The following SMAP2 variants were observed in gnomAD, a reference collection of about 807,000 sequenced individuals.
SMAP2 encodes the protein small ArfGAP2, also known as stromal membrane-associated protein 2.
SMAP2 carries 25 observed loss-of-function variants against 56.4 expected under a neutral mutation model. That is an observed-to-expected ratio of 0.44 (90% CI 0.32 to 0.62). The LOEUF (loss-of-function observed/expected upper bound fraction) is 0.62, where lower values mean the gene tolerates loss of function less well. Ranked by LOEUF, SMAP2 falls within the 20% of genes least tolerant of loss-of-function variation. The pLI is 0.04. For missense variants in SMAP2, 388 were observed against 545.6 expected (o/e 0.71, Z 2.88); for synonymous variants, 157 against 181.7 (o/e 0.86, Z 1.09).
intron 9 of SMAP2, among the ~76,000 whole-genome samples, chr1:40,418,363 A>G (rs1645010059): frequency 6.6e-6 from 1 of 152,210 alleles, no homozygotes; most frequent in African/African-American, 2.4e-5. Flanking sequence ...TATAGAAAGT[A>G]GTAAAAAGAA....
rs57984975 is a variant in SMAP2 at position 40,386,853 on chromosome 1, C to CTTTT, written c.103+12645_103+12648dup. 2.4e-5 allele frequency among the ~76,000 whole-genome samples: 3 copies of CTTTT among 127,360 alleles called. No homozygotes were observed. Among genetic ancestry groups the CTTTT allele is most frequent in the South Asian group, 2.5e-4 (1 of 4,036 alleles). The allele number at this position is 127,360 out of a possible 152,430, so 83.6% of individuals were successfully genotyped here. On this transcript the variant is annotated intron_variant, in intron 1 of 9. Transcript: ENST00000372718. The surrounding 1 kb of genome is among the most constrained non-coding windows in gnomAD (Gnocchi z 4.1). ...GATGCTGAAGGTATTTTTCATAATT[C>CTTTT]TTTTTTTTTTTTTTTTTTGGAGACA...
Position 40,416,319 on chromosome 1 carries a change from G to A in SMAP2, c.825G>A (p.Gln275=). The change falls in exon 8 of 10, where the codon CAG becomes CAA. Residue 275 remains glutamine (Q), a synonymous_variant. Coordinates refer to ENST00000372718, the MANE Select transcript of SMAP2 (RefSeq NM_022733.3). Reference sequence around the variant, plus strand: ...CCATTCTTTCACTGTATGGATCCCAGACGCCTCAAATGCCTACTCAAGGTA... The same window carrying A: ...CCATTCTTTCACTGTATGGATCCCAAACGCCTCAAATGCCTACTCAAGGTA... ...KDSILSLYGS[Q]TPQMPTQAMF... is the part of the protein sequence containing the mutation. 1.2e-6 allele frequency: 2 copies of A among 1,613,984 alleles called. No homozygotes were observed. The highest frequency in any genetic ancestry group is 1.7e-6 in the Non-Finnish European group (2 of 1,179,950).
chr1:40,418,693 A>G (rs767468600), intron 9 of SMAP2, among the ~76,000 whole-genome samples: 1 of 152,168 alleles, frequency 6.6e-6, no homozygotes, highest in Non-Finnish European at 1.5e-5. Flanking sequence ...AACAAAAAAT[A>G]CCCAGGTTGA....
intron 1 of SMAP2, among the ~76,000 whole-genome samples, chr1:40,353,319 A>G (rs773313216): frequency 6.6e-6 from 1 of 152,234 alleles, no homozygotes; most frequent in Non-Finnish European, 1.5e-5. Context: ...GGTGATTTAC[A>G]TGAGCAGCAG....
chr1:40,380,688 C>T (rs1204690439), intron 1 of SMAP2, among the ~76,000 whole-genome samples: 1 of 152,014 alleles, frequency 6.6e-6, no homozygotes, highest in Non-Finnish European at 1.5e-5. Context: ...TGCCACCACA[C>T]CTGGCTAATA....
intron 1 of SMAP2, among the ~76,000 whole-genome samples, chr1:40,388,474 G>A (rs1309704541): frequency 2.0e-5 from 3 of 152,120 alleles, no homozygotes; most frequent in African/African-American, 7.2e-5. Context: ...TCTGTATCTA[G>A]CTACTCTGGT....
chr1:40,360,800 A>G (rs1308079559), intron 1 of SMAP2, among the ~76,000 whole-genome samples: 1 of 152,234 alleles, frequency 6.6e-6, no homozygotes, highest in African/African-American at 2.4e-5. Context: ...GGGAGCATTT[A>G]GATCAATCCT....
chr1:40,386,853 CTTTTTTTT>C lies in SMAP2; in HGVS notation c.103+12641_103+12648del, dbSNP rs57984975. ...GATGCTGAAGGTATTTTTCATAATTCTTTTTTTTTTTTTTTTTTGGAGACAAGGTCTCT... is the reference window on the plus strand; with the variant it reads ...GATGCTGAAGGTATTTTTCATAATTCTTTTTTTTTTGGAGACAAGGTCTCT... On this transcript the variant is annotated intron_variant, in intron 1 of 9. Coordinates refer to ENST00000372718, the MANE Select transcript of SMAP2 (RefSeq NM_022733.3). This position sits in a 1 kb window ranked among gnomAD's most constrained non-coding sequence, Gnocchi z 4.1. 2.8e-4 allele frequency among the ~76,000 whole-genome samples: 36 copies of C among 127,364 alleles called. No homozygotes were observed. Among genetic ancestry groups the C allele is most frequent in the African/African-American group, 8.6e-4 (29 of 33,698 alleles). 83.6% of individuals were successfully genotyped at this position (127,364 alleles called of 152,430 possible). A position where few individuals can be genotyped will look rare whatever the true frequency, so the allele number is the denominator to read the frequency against.
chr1:40,353,261 G>A (rs1195882076), intron 1 of SMAP2, among the ~76,000 whole-genome samples: 2 of 152,206 alleles, frequency 1.3e-5, no homozygotes, highest in Admixed American at 1.3e-4. Flanking sequence ...TCCTTCATTG[G>A]AAGATGATGC....
At chr1:40,403,550 G>T in intron 1 of SMAP2, 1 of 448,628 alleles carries the variant, frequency 2.2e-6, no homozygotes, top group Non-Finnish European at 2.9e-6. Context: ...TGCATAGAGT[G>T]TTGGTATATA....
chr1:40,400,173 A>C (rs918546405), intron 1 of SMAP2, among the ~76,000 whole-genome samples: 6 of 152,144 alleles, frequency 3.9e-5, no homozygotes, highest in African/African-American at 1.2e-4. Context: ...GCATGTACAA[A>C]GTCCAGCAAG....
chr1:40,404,002 G>T lies in SMAP2; in HGVS notation c.104-2734G>T, dbSNP rs530555585. On this transcript the variant is annotated intron_variant, in intron 1 of 9. Transcript: ENST00000372718. ...AGTCCCAGCTACATGGGAGGCTGAG[G>T]TGGGAGAATCGCTTGAGGCGAGGAG... is the stretch of plus-strand genomic sequence containing the variant. Among the ~76,000 whole-genome samples, 7 of 152,330 alleles carry T rather than the reference G, an allele frequency of 4.6e-5. 1 individual carries two copies. The South Asian group carries it at 1.4e-3, about 32-fold the overall frequency.
intron 1 of SMAP2, among the ~76,000 whole-genome samples, chr1:40,357,711 T>C (rs1026628075): frequency 6.6e-6 from 1 of 152,214 alleles, no homozygotes; most frequent in African/African-American, 2.4e-5. Context: ...ATTCTTTGCA[T>C]CTTTGCTCAA....
At chr1:40,356,019 C>T (rs1257137167) in intron 1 of SMAP2, among the ~76,000 whole-genome samples, 1 of 152,178 alleles carries the variant, frequency 6.6e-6, no homozygotes, top group Non-Finnish European at 1.5e-5. Context: ...CATTATTCTT[C>T]TCTCTGTCTC....
chr1:40,344,920 TAAG>T (rs1644379142), intron 1 of SMAP2: 4 of 152,248 alleles, frequency 2.6e-5, no homozygotes, highest in South Asian at 4.1e-4. Flanking sequence ...GGTTAGTCCC[TAAG>T]AAGATTTCTT....
chr1:40,411,776 GA>G (rs1217627515), intron 4 of SMAP2, among the ~76,000 whole-genome samples: 1 of 151,900 alleles, frequency 6.6e-6, no homozygotes, highest in Non-Finnish European at 1.5e-5. Flanking sequence ...TCGTGTTAAA[GA>G]CATACACTTT....
Position 40,419,624 on chromosome 1 carries a change from A to C in SMAP2, c.1165-2352A>C, listed in dbSNP as rs545185100. Among the ~76,000 whole-genome samples, 6 of 152,340 alleles carry C rather than the reference A, an allele frequency of 3.9e-5. No individual in the cohort carries two copies. In the South Asian group the frequency reaches 1.2e-3, roughly 32 times the overall value. ...ACAGACTACAAAGTGCAGCAAATAC[A>C]ATAAACACAGTAAAAATCTAATATG... On this transcript the variant is annotated intron_variant, in intron 9 of 9. Coordinates refer to ENST00000372718, the MANE Select transcript of SMAP2 (RefSeq NM_022733.3).
intron 1 of SMAP2, among the ~76,000 whole-genome samples, chr1:40,377,955 A>G (rs1395111896): frequency 6.6e-6 from 1 of 152,168 alleles, no homozygotes. Context: ...ACTTATACAC[A>G]TCCTCCCTTA....
At chr1:40,405,860 A>C (rs1569900713) in intron 1 of SMAP2, among the ~76,000 whole-genome samples, 1 of 152,152 alleles carries the variant, frequency 6.6e-6, no homozygotes, top group African/African-American at 2.4e-5. Flanking sequence ...AACAGTTTTG[A>C]ATTAAAATTC....
Sources: allele counts gnomAD v4.1 joint callset (sites outside exome capture counted in the v4.1 genomes callset), GRCh38; gene constraint gnomAD v4.1.1; non-coding constraint Gnocchi (gnomAD v3.1); transcripts MANE v1.5; gene names NCBI Gene and HGNC (gene_info 2026-07-23, HGNC 2026-07-21).